COX7B2: variants seen among roughly 807,000 people sequenced by gnomAD.
The protein encoded by COX7B2 is cytochrome c oxidase subunit 7B2, mitochondrial.
For synonymous variants in COX7B2, 37 were observed against 32.1 expected, an observed-to-expected ratio of 1.15 and a Z score of -0.51; for missense variants, 109 against 95.9, an observed-to-expected ratio of 1.14 and a Z score of -0.57.
chr4:46,781,874 G>A (rs115956996), intron 2 of COX7B2, among the ~76,000 whole-genome samples: 20 of 152,314 alleles, frequency 1.3e-4, no homozygotes, highest in Non-Finnish European at 2.6e-4. Context: ...CTGCCCACGC[G>A]GGCCTCAGCC....
At chr4:46,900,629 T>G (rs1209219844) in intron 1 of COX7B2, among the ~76,000 whole-genome samples, 2 of 152,222 alleles carry the variant, frequency 1.3e-5, no homozygotes, top group East Asian at 3.8e-4. Flanking sequence ...ATTCATTTGT[T>G]GACATTCTAA....
At chr4:46,800,440 A>C (rs6817634) in intron 2 of COX7B2, among the ~76,000 whole-genome samples, 2 of 152,082 alleles carry the variant, frequency 1.3e-5, no homozygotes, top group Admixed American at 1.3e-4. Flanking sequence ...GAAAGATTAG[A>C]CGACCACACA....
chr4:46,768,471 G>C (rs559680249), intron 2 of COX7B2, among the ~76,000 whole-genome samples: 47 of 152,268 alleles, frequency 3.1e-4, no homozygotes, highest in African/African-American at 9.9e-4. Context: ...ACAGGGGCAT[G>C]GCAGGCCAAA....
intron 2 of COX7B2, among the ~76,000 whole-genome samples, chr4:46,802,695 G>A (rs950308744): frequency 6.6e-6 from 1 of 152,106 alleles, no homozygotes; most frequent in Non-Finnish European, 1.5e-5. Context: ...CTACAGCTGA[G>A]GCTTTAAAAC....
intron 2 of COX7B2, among the ~76,000 whole-genome samples, chr4:46,738,457 C>G (rs1367840894): frequency 6.6e-6 from 1 of 152,068 alleles, no homozygotes; most frequent in Non-Finnish European, 1.5e-5. Flanking sequence ...CTATAATAAA[C>G]AAACTGCAGT....
chr4:46,856,960 C>T (rs1560422563), intron 1 of COX7B2, among the ~76,000 whole-genome samples: 1 of 152,112 alleles, frequency 6.6e-6, no homozygotes, highest in Non-Finnish European at 1.5e-5. Context: ...GTTTGATAGA[C>T]CCGTGTAATG....
At chr4:46,753,448 A>T (rs1370796952) in intron 2 of COX7B2, among the ~76,000 whole-genome samples, 1 of 152,012 alleles carries the variant, frequency 6.6e-6, no homozygotes, top group Non-Finnish European at 1.5e-5. Context: ...ACCTGACAAA[A>T]ACAAGAAATG....
At chr4:46,764,667 G>C (rs1014828311) in intron 2 of COX7B2, among the ~76,000 whole-genome samples, 2 of 138,304 alleles carry the variant, frequency 1.4e-5, no homozygotes, top group African/African-American at 2.8e-5. Context: ...GCAACAAAGT[G>C]AGACTCCGCC....
chr4:46,752,686 T>G (rs7442003), intron 2 of COX7B2, among the ~76,000 whole-genome samples: 49,667 of 151,930 alleles, frequency 0.33, 8,387 homozygotes, highest in South Asian at 0.47. Context: ...TCATGTGGTT[T>G]TTGTCGTTGG....
intron 2 of COX7B2, among the ~76,000 whole-genome samples, chr4:46,838,771 G>A (rs1282168516): frequency 6.6e-6 from 1 of 151,946 alleles, no homozygotes; most frequent in Non-Finnish European, 1.5e-5. Flanking sequence ...TGGAAGAAGT[G>A]GTAATGTGCT....
rs187054935 is a variant in COX7B2, at chr4:46,793,727, A to G, written c.-50+51233T>C. On this transcript the variant is annotated intron_variant, in intron 2 of 2. Coordinates refer to ENST00000355591, the MANE Select transcript of COX7B2 (RefSeq NM_130902.3). ...AACAGAGAATCTCATCCTGTGACTG[A>G]CTGATTACAATGCAAGTTGAACCCC... 1.2e-3 allele frequency among the ~76,000 whole-genome samples: 187 copies of G among 152,326 alleles called. 1 individual carries two copies. The highest frequency in any genetic ancestry group is 4.3e-3 in the African/African-American group (177 of 41,574).
intron 2 of COX7B2, among the ~76,000 whole-genome samples, chr4:46,789,907 A>AT (rs1292541654): frequency 6.6e-6 from 1 of 152,034 alleles, no homozygotes; most frequent in Admixed American, 6.6e-5. Flanking sequence ...ACTTCTTAGG[A>AT]TTTTAAAAAC....
chr4:46,897,377 C>A (rs1369638366), intron 1 of COX7B2, among the ~76,000 whole-genome samples: 1 of 152,212 alleles, frequency 6.6e-6, no homozygotes. Context: ...ACCAGCTCAG[C>A]TGGATTCTTT....
chr4:46,734,849 T>C lies in COX7B2; in HGVS notation c.*98A>G, dbSNP rs1039924660. ...GACTTTTTAAAGATTTAAAACACATTTTATTTTTTCAATTGTGCTATATTT... is the reference window on the plus strand; with the variant it reads ...GACTTTTTAAAGATTTAAAACACATCTTATTTTTTCAATTGTGCTATATTT... On this transcript the variant is annotated 3_prime_UTR_variant, in exon 3 of 3. Transcript: ENST00000355591. 18 of 1,402,282 alleles carry C rather than the reference T, an allele frequency of 1.3e-5. No homozygotes were observed. Among genetic ancestry groups the C allele is most frequent in the Non-Finnish European group, 1.7e-5 (17 of 1,012,218 alleles). 86.9% of individuals were successfully genotyped at this position (1,402,282 alleles called of 1,614,324 possible). A position where few individuals can be genotyped will look rare whatever the true frequency, so the allele number is the denominator to read the frequency against.
At chr4:46,901,238 T>A (rs993284587) in intron 1 of COX7B2, among the ~76,000 whole-genome samples, 3 of 152,206 alleles carry the variant, frequency 2.0e-5, no homozygotes, top group African/African-American at 7.2e-5. Flanking sequence ...ATATTAAACA[T>A]GGACTGCTAC....
chr4:46,739,500 C>A (rs1344956348), intron 2 of COX7B2, among the ~76,000 whole-genome samples: 1 of 151,956 alleles, frequency 6.6e-6, no homozygotes, highest in Admixed American at 6.6e-5. Flanking sequence ...TCTAAAGAAG[C>A]TTATGGTATA....
intron 2 of COX7B2, among the ~76,000 whole-genome samples, chr4:46,822,169 C>A (rs967221465): frequency 6.6e-6 from 1 of 152,152 alleles, no homozygotes; most frequent in African/African-American, 2.4e-5. Context: ...CCCCACCCTC[C>A]TGAAGTGTTG....
At chr4:46,895,593 C>T (rs1196073155) in intron 1 of COX7B2, among the ~76,000 whole-genome samples, 1 of 152,072 alleles carries the variant, frequency 6.6e-6, no homozygotes, top group Non-Finnish European at 1.5e-5. Flanking sequence ...ATCCGCATGA[C>T]GCTAGTTTAC....
intron 2 of COX7B2, among the ~76,000 whole-genome samples, chr4:46,763,243 CAT>C (rs1270854154): frequency 7.3e-6 from 1 of 136,494 alleles, no homozygotes; most frequent in South Asian, 2.2e-4. Flanking sequence ...TATATATATA[CAT>C]ATATATACAC....
Sources: allele counts gnomAD v4.1 joint callset (sites outside exome capture counted in the v4.1 genomes callset), GRCh38; gene constraint gnomAD v4.1.1; transcripts MANE v1.5; gene names NCBI Gene and HGNC (gene_info 2026-07-23, HGNC 2026-07-21).